Variants in ETS1 observed in about 807,000 individuals in gnomAD.
ETS1 encodes the protein ETS proto-oncogene 1, transcription factor.
Under a neutral mutation model 58.6 loss-of-function variants are expected in ETS1, and 15 were observed. The ratio of observed to expected loss-of-function variants is 0.26; its 90% CI spans 0.17 to 0.39. The LOEUF (loss-of-function observed/expected upper bound fraction) is 0.39. Ranked by LOEUF, ETS1 falls within the 10% of genes least tolerant of loss-of-function variation. ETS1 has a pLI of 1.00. For synonymous variants in ETS1, 214 were observed against 218.2 expected (o/e 0.98, Z 0.17); for missense variants, 417 against 610.5 (o/e 0.68, Z 3.34).
chr11:128,514,955 C>G (rs1274633422), intron 3 of ETS1, among the ~76,000 whole-genome samples: 2 of 152,038 alleles, frequency 1.3e-5, no homozygotes, highest in Admixed American at 1.3e-4. Context: ...CTTACTCTTC[C>G]TGTCCTCATT....
chr11:128,488,608 A>C (rs185881711), intron 5 of ETS1, among the ~76,000 whole-genome samples: 8 of 152,284 alleles, frequency 5.3e-5, no homozygotes, highest in Admixed American at 2.6e-4. Context: ...TCAAAAAAAT[A>C]AGCACAAAAA....
intron 3 of ETS1, among the ~76,000 whole-genome samples, chr11:128,506,275 T>G (rs1294875670): frequency 6.6e-6 from 1 of 152,172 alleles, no homozygotes; most frequent in African/African-American, 2.4e-5. Context: ...AAATTTTATG[T>G]TATATCAATT....
intron 2 of ETS1, among the ~76,000 whole-genome samples, chr11:128,569,354 C>T (rs931742454): frequency 8.0e-5 from 1 of 12,460 alleles, no homozygotes; most frequent in Non-Finnish European, 2.0e-4. Context: ...GTGTGTCAGA[C>T]TAACTAAATC....
rs1011433798 is a variant in ETS1, at chr11:128,570,289, G to A, written c.69+2773C>T. Reference sequence around the variant, plus strand: ...CTTGCTCTGTCACCCAGGCTGGAGTGTGCAATGGCACAATTTCAGCTCACT... The same window carrying A: ...CTTGCTCTGTCACCCAGGCTGGAGTATGCAATGGCACAATTTCAGCTCACT... On this transcript the variant is annotated intron_variant, in intron 2 of 9. Transcript: ENST00000392668. Among the ~76,000 whole-genome samples the A allele has an allele frequency of 2.8e-5, 4 of 143,936 alleles. No homozygotes were observed. The South Asian group carries it at 6.5e-4, about 23-fold the overall frequency. The allele number at this position is 143,936 out of a possible 152,430, so 94.4% of individuals were successfully genotyped here.
intron 3 of ETS1, chr11:128,522,494 C>A: frequency 2.9e-6 from 1 of 343,330 alleles, no homozygotes; most frequent in Non-Finnish European, 4.1e-6. Flanking sequence ...GCACCGCGGC[C>A]AATCTCCGCC....
intron 2 of ETS1, among the ~76,000 whole-genome samples, chr11:128,560,812 A>T (rs1864393615): frequency 6.6e-6 from 1 of 152,194 alleles, no homozygotes; most frequent in Non-Finnish European, 1.5e-5. Flanking sequence ...GTAAACAGGA[A>T]ATTACAGTGA....
intron 8 of ETS1, among the ~76,000 whole-genome samples, chr11:128,473,906 A>G (rs1188552541): frequency 1.3e-5 from 2 of 152,202 alleles, no homozygotes; most frequent in African/African-American, 2.4e-5. Context: ...TGTTGTTTAA[A>G]GGCAATAAAG....
At chr11:128,527,719 A>C (rs75386603) in intron 3 of ETS1, among the ~76,000 whole-genome samples, 7,505 of 152,258 alleles carry the variant, frequency 0.049, 238 homozygotes, top group South Asian at 0.071. Flanking sequence ...GGGCTACAGG[A>C]TTTCACCCAC....
intron 3 of ETS1, among the ~76,000 whole-genome samples, chr11:128,490,780 G>A (rs984450276): frequency 9.5e-5 from 14 of 147,486 alleles, no homozygotes; most frequent in South Asian, 6.5e-4. Flanking sequence ...GTGCAGTGGC[G>A]TGATCTCAGC....
Position 128,529,769 on chromosome 11 carries a change from A to T in ETS1, c.214+26522T>A, listed in dbSNP as rs117106174. 3.2e-4 allele frequency among the ~76,000 whole-genome samples: 49 copies of T among 152,272 alleles called. No homozygotes were observed. In the East Asian group the frequency reaches 7.7e-3, roughly 24 times the overall value. The stretch of plus-strand genomic sequence containing the variant: ...TATGTCACTGCAGTCATCCACAAAC[A>T]TTTTACTCAAGAATCTATGCCTATC... On this transcript the variant is annotated intron_variant, in intron 3 of 9. Coordinates refer to ENST00000392668, the MANE Select transcript of ETS1 (RefSeq NM_001143820.2).
intron 3 of ETS1, among the ~76,000 whole-genome samples, chr11:128,524,340 A>G (rs1863759239): frequency 6.6e-6 from 1 of 152,234 alleles, no homozygotes; most frequent in Non-Finnish European, 1.5e-5. Context: ...AAAATGAGTG[A>G]ATGTCCAAAT....
chr11:128,504,590 G>A (rs190814304), intron 3 of ETS1, among the ~76,000 whole-genome samples: 2 of 152,308 alleles, frequency 1.3e-5, no homozygotes, highest in Non-Finnish European at 2.9e-5. Context: ...ATGTCATCTA[G>A]TTCAAACCTT....
At chr11:128,483,756 T>C (rs1441839792) in intron 7 of ETS1, among the ~76,000 whole-genome samples, 2 of 152,140 alleles carry the variant, frequency 1.3e-5, no homozygotes, top group African/African-American at 4.8e-5. Context: ...AAAGTAAAGG[T>C]ACCATTGGGC....
chr11:128,548,266 G>A (rs1187439762), intron 3 of ETS1, among the ~76,000 whole-genome samples: 7 of 151,874 alleles, frequency 4.6e-5, no homozygotes, highest in South Asian at 2.1e-4. Context: ...GGTAACCTAC[G>A]AAATCAGAGT....
chr11:128,562,652 C>CTAGTTGGA (rs1864422449), intron 2 of ETS1, among the ~76,000 whole-genome samples: 1 of 152,194 alleles, frequency 6.6e-6, no homozygotes, highest in African/African-American at 2.4e-5. Context: ...AGCCTGGAAA[C>CTAGTTGGA]TAGTTGGACA....
In ETS1 at chr11:128,545,571, G is replaced by A. The variant is rs536171622; in HGVS notation, c.214+10720C>T. 9.2e-5 allele frequency among the ~76,000 whole-genome samples: 14 copies of A among 152,184 alleles called. No homozygotes were observed. In the South Asian group the frequency reaches 1.7e-3, roughly 18 times the overall value. On this transcript the variant is annotated intron_variant, in intron 3 of 9. Transcript: ENST00000392668. Reference sequence around the variant, plus strand: ...AAAAGACCACATATGTGCAATCCTCGGCATACAGAAGGCATTTAATGAATG... The same window carrying A: ...AAAAGACCACATATGTGCAATCCTCAGCATACAGAAGGCATTTAATGAATG...
chr11:128,507,102 C>G (rs1377931601), intron 3 of ETS1, among the ~76,000 whole-genome samples: 2 of 152,066 alleles, frequency 1.3e-5, no homozygotes, highest in African/African-American at 4.8e-5. Flanking sequence ...GGTGCAGTCA[C>G]AACACTGTGA....
In ETS1 at chr11:128,463,495, C is replaced by G. The variant is rs1861956420; in HGVS notation, c.1242+14G>C. ...CTTCCTCAACACAGTACTCGCAAGC[C>G]CCTCCTTCCTTACCTCATCTGGGTC... On this transcript the variant is annotated intron_variant, in intron 9 of 9. Coordinates refer to ENST00000392668, the MANE Select transcript of ETS1 (RefSeq NM_001143820.2). This position sits in a 1 kb window ranked among gnomAD's most constrained non-coding sequence, Gnocchi z 4.1. 1 of 1,409,518 alleles carries G rather than the reference C, an allele frequency of 7.1e-7. No homozygotes were observed. Among genetic ancestry groups the G allele is most frequent in the African/African-American group, 1.4e-5 (1 of 70,866 alleles). The allele number at this position is 1,409,518 out of a possible 1,614,324, so 87.3% of individuals were successfully genotyped here.
At chr11:128,481,858 G>A (rs192431173) in intron 7 of ETS1, among the ~76,000 whole-genome samples, 9 of 152,226 alleles carry the variant, frequency 5.9e-5, no homozygotes, top group Admixed American at 2.6e-4. Context: ...AAATGTATTC[G>A]GTTGAGTGTG....
Sources: gnomAD v4.1 joint callset for allele counts (sites outside exome capture counted in the v4.1 genomes callset) on GRCh38, gnomAD v4.1.1 for gene constraint, Gnocchi (gnomAD v3.1) non-coding constraint, MANE v1.5 for transcripts, NCBI Gene and HGNC (gene_info 2026-07-23, HGNC 2026-07-21) for gene names.